PPP2R2B: variants seen among roughly 807,000 people sequenced by gnomAD.
The protein encoded by PPP2R2B is protein phosphatase 2 regulatory subunit Bbeta.
PPP2R2B carries 5 observed loss-of-function variants against 46.0 expected under a neutral mutation model. That is an observed-to-expected ratio of 0.11 (90% CI 0.06 to 0.23). The LOEUF is 0.23. PPP2R2B is among the 10% of genes least tolerant of loss of function. The pLI is 1.00. For synonymous variants in PPP2R2B, 215 were observed against 206.7 expected, an observed-to-expected ratio of 1.04 and a Z score of -0.34; for missense variants, 367 against 575.0, an observed-to-expected ratio of 0.64 and a Z score of 3.70.
At chr5:146,801,884 C>G (rs540933708) in intron 2 of PPP2R2B, among the ~76,000 whole-genome samples, 1 of 152,138 alleles carries the variant, frequency 6.6e-6, no homozygotes, top group Non-Finnish European at 1.5e-5. Flanking sequence ...AGCCCAAATT[C>G]GAAGATGAGT....
chr5:146,938,840 G>A (rs143812429), intron 1 of PPP2R2B, among the ~76,000 whole-genome samples: 1 of 141,248 alleles, frequency 7.1e-6, no homozygotes, highest in African/African-American at 2.6e-5. Flanking sequence ...GAGTGCAGTG[G>A]TGTGATCTCA....
At chr5:146,759,950 T>C (rs1048039704) in intron 2 of PPP2R2B, among the ~76,000 whole-genome samples, 1 of 152,218 alleles carries the variant, frequency 6.6e-6, no homozygotes, top group African/African-American at 2.4e-5. Flanking sequence ...ATCATATTTG[T>C]GCCTTCCCAT....
chr5:146,722,365 A>C (rs937882529), intron 2 of PPP2R2B, among the ~76,000 whole-genome samples: 4 of 152,188 alleles, frequency 2.6e-5, no homozygotes, highest in Admixed American at 1.3e-4. Context: ...GCTATGGCTT[A>C]ACTCAGGTCT....
chr5:146,766,091 A>G (rs2151261070), intron 2 of PPP2R2B, among the ~76,000 whole-genome samples: 1 of 152,332 alleles, frequency 6.6e-6, no homozygotes, highest in East Asian at 1.9e-4. Flanking sequence ...AAAGGAGCCA[A>G]TGGCATCTCT....
chr5:146,632,314 C>T (rs1047326840), intron 7 of PPP2R2B, among the ~76,000 whole-genome samples: 4 of 152,138 alleles, frequency 2.6e-5, no homozygotes, highest in Non-Finnish European at 5.9e-5. Flanking sequence ...ATCCTTCTTT[C>T]GTAGCCTCCA....
At chr5:146,955,049 T>C (rs1751822184) in intron 1 of PPP2R2B, among the ~76,000 whole-genome samples, 2 of 152,118 alleles carry the variant, frequency 1.3e-5, no homozygotes, top group South Asian at 4.2e-4. Flanking sequence ...ATAGATGAGA[T>C]AATAGACTCA....
chr5:146,916,293 GTTT>G (rs5871996), intron 1 of PPP2R2B, among the ~76,000 whole-genome samples: 1 of 141,946 alleles, frequency 7.0e-6, no homozygotes, highest in Non-Finnish European at 1.5e-5. Context: ...TGTTACCACC[GTTT>G]TTTTTTTTTT....
chr5:146,876,623 G>C (rs1252968132), intron 2 of PPP2R2B, among the ~76,000 whole-genome samples: 1 of 152,128 alleles, frequency 6.6e-6, no homozygotes, highest in Non-Finnish European at 1.5e-5. Flanking sequence ...CGGTAAGTAT[G>C]GTGCTCTGTA....
intron 1 of PPP2R2B, among the ~76,000 whole-genome samples, chr5:147,054,318 T>A (rs1259240075): frequency 6.6e-6 from 1 of 152,172 alleles, no homozygotes; most frequent in African/African-American, 2.4e-5. Context: ...TCTTTAGTAT[T>A]TGAAAAGTTC....
rs1335523954 is a variant in PPP2R2B, at chr5:146,587,393, C to T, written c.*2554G>A. 7 of 152,260 alleles carry T rather than the reference C, an allele frequency of 4.6e-5. No homozygotes were observed. The highest frequency in any genetic ancestry group is 4.6e-4 in the Admixed American group (7 of 15,278). The allele number at this position is 152,260 out of a possible 1,614,324, so 9.4% of individuals were successfully genotyped here. On this transcript the variant is annotated 3_prime_UTR_variant, in exon 10 of 10. Coordinates refer to ENST00000394411, the MANE Select transcript of PPP2R2B (RefSeq NM_181675.4). ...GGATGGAGGAGAGGATGGCTGCCCT[C>T]TGCTCTTTCTTCTCTGGCAAACTCA...
intron 2 of PPP2R2B, among the ~76,000 whole-genome samples, chr5:146,850,428 C>T (rs899094117): frequency 2.0e-5 from 3 of 152,086 alleles, no homozygotes; most frequent in South Asian, 2.1e-4. Flanking sequence ...AAAAATGGCT[C>T]ATATATTTTT....
rs6891773 is a variant in PPP2R2B, at chr5:146,765,379, C to T, written c.71-64237G>A. On this transcript the variant is annotated intron_variant, in intron 2 of 9. Transcript: ENST00000394411. ...GAAAGTTTCATAAGGGCTTTAACAA[C>T]ATATGAGAAATAAGGAAAATCTATC... Among the ~76,000 whole-genome samples, 945 of 152,248 alleles carry T rather than the reference C, an allele frequency of 6.2e-3. 14 individuals carry two copies. The highest frequency in any genetic ancestry group is 0.021 in the African/African-American group (892 of 41,540).
chr5:146,871,099 T>C (rs559876824), intron 2 of PPP2R2B, among the ~76,000 whole-genome samples: 89 of 152,200 alleles, frequency 5.8e-4, no homozygotes, highest in Non-Finnish European at 1.1e-3. Flanking sequence ...GATTCTAGAG[T>C]TCTATTGGAG....
chr5:146,670,449 G>T (rs1313713783), intron 5 of PPP2R2B, among the ~76,000 whole-genome samples: 5 of 145,498 alleles, frequency 3.4e-5, no homozygotes, highest in Admixed American at 2.7e-4. Context: ...TACCCCTTCA[G>T]ATTTTCTTAT....
chr5:146,663,635 G>A (rs1776807299), intron 5 of PPP2R2B, among the ~76,000 whole-genome samples: 1 of 152,062 alleles, frequency 6.6e-6, no homozygotes, highest in Non-Finnish European at 1.5e-5. Context: ...GTGTACAATA[G>A]CATTATGTTT....
chr5:146,912,005 A>C (rs1763200490), intron 1 of PPP2R2B, among the ~76,000 whole-genome samples: 1 of 152,168 alleles, frequency 6.6e-6, no homozygotes. Context: ...TGGGAGGCTG[A>C]GGCGGGCAGA....
At chr5:146,616,469 C>G (rs1315434632) in intron 7 of PPP2R2B, among the ~76,000 whole-genome samples, 1 of 152,136 alleles carries the variant, frequency 6.6e-6, no homozygotes, top group African/African-American at 2.4e-5. Context: ...TATTTGCAAA[C>G]TACCCATCTG....
chr5:146,710,875 A>G (rs1264220440), intron 2 of PPP2R2B, among the ~76,000 whole-genome samples: 1 of 152,198 alleles, frequency 6.6e-6, no homozygotes, highest in East Asian at 1.9e-4. Flanking sequence ...CATCTGGCAC[A>G]TGTTTGGTCA....
intron 1 of PPP2R2B, among the ~76,000 whole-genome samples, chr5:146,992,522 C>T (rs551995330): frequency 6.6e-6 from 1 of 152,242 alleles, no homozygotes; most frequent in Admixed American, 6.5e-5. Context: ...GGGCTTGTTT[C>T]TGTTGGGTGG....
Sources: allele counts gnomAD v4.1 joint callset (sites outside exome capture counted in the v4.1 genomes callset), GRCh38; gene constraint gnomAD v4.1.1; transcripts MANE v1.5; gene names NCBI Gene and HGNC (gene_info 2026-07-23, HGNC 2026-07-21).